The following CNTNAP4 variants were observed in gnomAD, a reference collection of about 807,000 sequenced individuals.
The protein encoded by CNTNAP4 is contactin-associated protein-like 4.
CNTNAP4 carries 98 observed loss-of-function variants against 148.4 expected under a neutral mutation model. The observed-to-expected ratio is 0.66, with a 90% CI of 0.56 to 0.78. CNTNAP4 has a LOEUF of 0.78. CNTNAP4 is among the 30% of genes least tolerant of loss of function. The pLI, the probability that CNTNAP4 is intolerant of heterozygous loss-of-function variation, is 0.00. For synonymous variants in CNTNAP4, 730 were observed against 565.1 expected (o/e 1.29, Z -4.14); for missense variants, 1,935 against 1,565.6 (o/e 1.24, Z -3.98).
At chr16:76,365,980 A>G (rs2014074944) in intron 3 of CNTNAP4, among the ~76,000 whole-genome samples, 3 of 152,148 alleles carry the variant, frequency 2.0e-5, no homozygotes, top group Non-Finnish European at 4.4e-5. Context: ...TGCTTAATTT[A>G]TCTTCATGGA....
chr16:76,430,726 T>A (rs1054577881), intron 4 of CNTNAP4, among the ~76,000 whole-genome samples: 3 of 152,174 alleles, frequency 2.0e-5, no homozygotes, highest in African/African-American at 7.2e-5. Flanking sequence ...GCGCTTCGCC[T>A]GAGCCATTCA....
At chr16:76,529,688 CA>C (rs1174397601) in intron 17 of CNTNAP4, among the ~76,000 whole-genome samples, 2 of 152,188 alleles carry the variant, frequency 1.3e-5, no homozygotes, top group Non-Finnish European at 2.9e-5. Flanking sequence ...GGACCCCTGA[CA>C]TAGTCAGAAG....
chr16:76,502,081 A>AAG (rs2082672862), intron 15 of CNTNAP4, among the ~76,000 whole-genome samples: 1 of 151,624 alleles, frequency 6.6e-6, no homozygotes, highest in Non-Finnish European at 1.5e-5. Context: ...AAAAAAAAAA[A>AAG]GAATTTACAA....
chr16:76,528,850 A>G (rs1002130643), intron 17 of CNTNAP4, among the ~76,000 whole-genome samples: 12 of 152,238 alleles, frequency 7.9e-5, no homozygotes, highest in Non-Finnish European at 1.8e-4. Context: ...ATGGAGTTTC[A>G]GAGATGCAGC....
intron 15 of CNTNAP4, among the ~76,000 whole-genome samples, chr16:76,504,505 A>G (rs1026853042): frequency 3.9e-5 from 6 of 152,174 alleles, no homozygotes; most frequent in Non-Finnish European, 7.4e-5. Flanking sequence ...ACCACAAACT[A>G]TAACACTGCT....
chr16:76,333,612 A>T (rs557535800), intron 2 of CNTNAP4, among the ~76,000 whole-genome samples: 1 of 151,990 alleles, frequency 6.6e-6, no homozygotes, highest in Non-Finnish European at 1.5e-5. Flanking sequence ...GGCAGTTTCT[A>T]TTAATTTCTC....
At chr16:76,354,090 A>C (rs1408511193) in intron 2 of CNTNAP4, among the ~76,000 whole-genome samples, 1 of 152,242 alleles carries the variant, frequency 6.6e-6, no homozygotes, top group African/African-American at 2.4e-5. Context: ...ATGGGGGAAG[A>C]AAATGTGCTA....
intron 3 of CNTNAP4, among the ~76,000 whole-genome samples, chr16:76,357,885 T>C (rs898631723): frequency 3.9e-5 from 6 of 152,230 alleles, no homozygotes; most frequent in African/African-American, 1.2e-4. Flanking sequence ...TTTCTAGTCT[T>C]AGCATTTCTG....
intron 1 of CNTNAP4, among the ~76,000 whole-genome samples, chr16:76,299,435 C>A (rs2143913820): frequency 6.6e-6 from 1 of 152,232 alleles, no homozygotes; most frequent in East Asian, 1.9e-4. Flanking sequence ...CAAATCAAAA[C>A]CACAATGAGA....
chr16:76,335,787 G>T (rs1963969919), intron 2 of CNTNAP4, among the ~76,000 whole-genome samples: 1 of 152,182 alleles, frequency 6.6e-6, no homozygotes, highest in African/African-American at 2.4e-5. Context: ...AGAACTAAAA[G>T]CTGCTGGGGG....
chr16:76,528,440 AT>A (rs960348687), intron 17 of CNTNAP4, among the ~76,000 whole-genome samples: 1 of 151,896 alleles, frequency 6.6e-6, no homozygotes, highest in African/African-American at 2.4e-5. Context: ...TATTTTTTGT[AT>A]TTTTTGTAGA....
At chr16:76,488,082 C>G (rs1568369852) in intron 12 of CNTNAP4, among the ~76,000 whole-genome samples, 1 of 152,154 alleles carries the variant, frequency 6.6e-6, no homozygotes, top group African/African-American at 2.4e-5. Flanking sequence ...GCTAGGCTGT[C>G]AGGTTTGTCT....
intron 1 of CNTNAP4, among the ~76,000 whole-genome samples, chr16:76,308,663 G>A (rs74995219): frequency 2.0e-3 from 307 of 152,264 alleles, no homozygotes; most frequent in African/African-American, 7.0e-3. Flanking sequence ...TATTTTAGTG[G>A]TTTCCAGACT....
At chr16:76,360,450 G>A (rs73625356) in intron 3 of CNTNAP4, among the ~76,000 whole-genome samples, 2,070 of 152,288 alleles carry the variant, frequency 0.014, 47 homozygotes, top group African/African-American at 0.047. Flanking sequence ...CTGTAGGGTA[G>A]GTGACTCTCC....
chr16:76,471,179 C>T (rs1275102224), intron 10 of CNTNAP4, among the ~76,000 whole-genome samples: 1 of 151,978 alleles, frequency 6.6e-6, no homozygotes, highest in Non-Finnish European at 1.5e-5. Flanking sequence ...GTGGGGTGGC[C>T]CTCAGTCCAG....
At chr16:76,465,938 A>G (rs2081163813) in intron 9 of CNTNAP4, among the ~76,000 whole-genome samples, 1 of 152,186 alleles carries the variant, frequency 6.6e-6, no homozygotes, top group Admixed American at 6.5e-5. Context: ...AGCATTAAGG[A>G]AAAATATTAT....
chr16:76,395,004 T>C (rs2078147547), intron 3 of CNTNAP4, among the ~76,000 whole-genome samples: 1 of 152,110 alleles, frequency 6.6e-6, no homozygotes, highest in African/African-American at 2.4e-5. Flanking sequence ...AACTAGGCAA[T>C]TCGGTGGGAC....
intron 4 of CNTNAP4, among the ~76,000 whole-genome samples, chr16:76,438,163 A>G (rs182612742): frequency 6.8e-4 from 104 of 152,224 alleles, no homozygotes; most frequent in African/African-American, 2.2e-3. Flanking sequence ...AGAGGCTAGA[A>G]ATTGAGTAGG....
At chr16:76,517,291 G>A (rs757323874) in intron 15 of CNTNAP4, among the ~76,000 whole-genome samples, 4 of 152,112 alleles carry the variant, frequency 2.6e-5, no homozygotes, top group East Asian at 1.9e-4. Context: ...GCCTCTTAGC[G>A]TCAGTGTCAC....
Sources: gnomAD v4.1 joint callset for allele counts (sites outside exome capture counted in the v4.1 genomes callset) on GRCh38, gnomAD v4.1.1 for gene constraint, MANE v1.5 for transcripts, NCBI Gene and HGNC (gene_info 2026-07-23, HGNC 2026-07-21) for gene names.